Variants in MAN1A2 observed in about 807,000 individuals in gnomAD.
MAN1A2 encodes the protein mannosidase alpha class 1A member 2.
In MAN1A2, 26 loss-of-function variants were observed where a neutral mutation model predicts 75.7. That is an observed-to-expected ratio of 0.34 (90% CI 0.25 to 0.48). MAN1A2 has a LOEUF of 0.48. Among genes scored for constraint, MAN1A2 ranks in the 20% least tolerant of loss-of-function variants. The probability of loss-of-function intolerance (pLI) is 0.99; values close to 1 mark genes in which losing one functional copy is unlikely to be tolerated. For missense variants in MAN1A2, 562 were observed against 775.5 expected, an observed-to-expected ratio of 0.72 and a Z score of 3.27; for synonymous variants, 247 against 264.6, an observed-to-expected ratio of 0.93 and a Z score of 0.65.
intron 6 of MAN1A2, among the ~76,000 whole-genome samples, chr1:117,458,508 T>TATATAG (rs1649685400): frequency 1.0e-5 from 1 of 99,304 alleles, no homozygotes. Context: ...TATATATATA[T>TATATAG]ATAGATATAT....
intron 8 of MAN1A2, among the ~76,000 whole-genome samples, chr1:117,474,088 A>G (rs560555981): frequency 2.4e-4 from 37 of 152,032 alleles, no homozygotes; most frequent in Non-Finnish European, 5.1e-4. Context: ...CTGTCTGGGT[A>G]CAACAGGAGA....
chr1:117,418,867 A>G (rs571772083), intron 4 of MAN1A2, among the ~76,000 whole-genome samples: 3 of 152,286 alleles, frequency 2.0e-5, no homozygotes, highest in East Asian at 1.9e-4. Flanking sequence ...TGATGTGTTA[A>G]TTAGGGAAAT....
In MAN1A2 at chr1:117,523,062, C is replaced by A; in HGVS notation, c.*105C>A. 1 of 1,212,426 alleles carries A rather than the reference C, an allele frequency of 8.2e-7. No homozygotes were observed. The highest frequency in any genetic ancestry group is 1.3e-5 in the South Asian group (1 of 77,656). 75.1% of individuals were successfully genotyped at this position (1,212,426 alleles called of 1,614,324 possible). A position where few individuals can be genotyped will look rare whatever the true frequency, so the allele number is the denominator to read the frequency against. On this transcript the variant is annotated 3_prime_UTR_variant, in exon 13 of 13. Coordinates refer to ENST00000356554, the MANE Select transcript of MAN1A2 (RefSeq NM_006699.5). ...TTGAAAACCTGGACCTCTATGTCAA[C>A]ATGACAGGGTGAAACTATTCCCCCT...
rs578074842 is a variant in MAN1A2, at chr1:117,475,872, G to A, written c.1168+9445G>A. Among the ~76,000 whole-genome samples, 3 of 152,158 alleles carry A rather than the reference G, an allele frequency of 2.0e-5. No homozygotes were observed. The East Asian group carries it at 5.8e-4, about 30-fold the overall frequency. On this transcript the variant is annotated intron_variant, in intron 8 of 12. Coordinates refer to ENST00000356554, the MANE Select transcript of MAN1A2 (RefSeq NM_006699.5). ...TAGAATGATTTATAATCCTTTGGGT[G>A]TATACCCAGTAATGGGATTGCTGGG...
chr1:117,408,559 A>C (rs943115741), intron 3 of MAN1A2, among the ~76,000 whole-genome samples: 2 of 151,864 alleles, frequency 1.3e-5, no homozygotes, highest in Non-Finnish European at 2.9e-5. Context: ...TGTTTTGTTG[A>C]AGATTGTTGC....
rs748449222 is a variant in MAN1A2, at chr1:117,368,340, G to A, written c.157G>A (p.Ala53Thr). The change falls in exon 1 of 13, where the codon GCA (alanine) becomes ACA (threonine). Residue 53 changes from alanine (A) to threonine (T), a missense_variant. Around this residue, in one of 2 missense-constraint regions of MAN1A2, gnomAD observed 128 missense variants for 129.8 expected, o/e 0.99. Coordinates refer to ENST00000356554, the MANE Select transcript of MAN1A2 (RefSeq NM_006699.5). ...LSAFITLCFG[A>T]FFFLPDSSKH... ...TGCCTTCATCACTCTGTGTTTTGGGGCATTCTTTTTCCTTCCAGACTCTTC... is the reference window on the plus strand; with the variant it reads ...TGCCTTCATCACTCTGTGTTTTGGGACATTCTTTTTCCTTCCAGACTCTTC... 6.2e-7 allele frequency: 1 copy of A among 1,614,048 alleles called. No homozygotes were observed. The highest frequency in any genetic ancestry group is 8.5e-7 in the Non-Finnish European group (1 of 1,180,000).
chr1:117,518,737 G>A lies in MAN1A2; in HGVS notation c.1794-4088G>A, dbSNP rs117694185. Reference sequence around the variant, plus strand: ...AGATAGACAGCAACACAACAATAATGGAGGACTTCAGTACTCCACTGACAG... The same window carrying A: ...AGATAGACAGCAACACAACAATAATAGAGGACTTCAGTACTCCACTGACAG... On this transcript the variant is annotated intron_variant, in intron 12 of 12. Coordinates refer to ENST00000356554, the MANE Select transcript of MAN1A2 (RefSeq NM_006699.5). Among the ~76,000 whole-genome samples the A allele has an allele frequency of 1.1e-4, 17 of 152,088 alleles. No individual in the cohort carries two copies. In the East Asian group the frequency reaches 3.1e-3, roughly 28 times the overall value.
chr1:117,421,787 A>T (rs1162894702), intron 5 of MAN1A2, among the ~76,000 whole-genome samples: 3 of 152,124 alleles, frequency 2.0e-5, no homozygotes, highest in Non-Finnish European at 2.9e-5. Context: ...CATTTAATAA[A>T]ATAGAAAAAA....
chr1:117,497,660 TA>T (rs768075437), intron 10 of MAN1A2, among the ~76,000 whole-genome samples: 1 of 151,866 alleles, frequency 6.6e-6, no homozygotes, highest in African/African-American at 2.4e-5. Context: ...ACACAGTATA[TA>T]TTTGGTATTA....
intron 3 of MAN1A2, among the ~76,000 whole-genome samples, chr1:117,407,363 T>A (rs969789477): frequency 4.6e-5 from 7 of 152,296 alleles, no homozygotes; most frequent in Admixed American, 1.3e-4. Context: ...AAGTACAATT[T>A]GAGTTTTTTT....
At chr1:117,379,942 G>A (rs1394186131) in intron 1 of MAN1A2, among the ~76,000 whole-genome samples, 1 of 152,102 alleles carries the variant, frequency 6.6e-6, no homozygotes, top group Non-Finnish European at 1.5e-5. Context: ...TAGTGTTGCT[G>A]TGAACATTTG....
intron 1 of MAN1A2, among the ~76,000 whole-genome samples, chr1:117,401,423 GA>G (rs1254034325): frequency 6.6e-6 from 1 of 152,096 alleles, no homozygotes; most frequent in Non-Finnish European, 1.5e-5. Flanking sequence ...GACTGATTTG[GA>G]AAAGAGTGTT....
chr1:117,433,768 C>G (rs1648753771), intron 5 of MAN1A2, among the ~76,000 whole-genome samples: 1 of 152,174 alleles, frequency 6.6e-6, no homozygotes, highest in Non-Finnish European at 1.5e-5. Context: ...CCCACTGATA[C>G]TGAATACTGT....
chr1:117,417,709 C>G (rs1648051051), intron 4 of MAN1A2, among the ~76,000 whole-genome samples: 1 of 135,958 alleles, frequency 7.4e-6, no homozygotes, highest in Admixed American at 7.1e-5. Context: ...CACACACACT[C>G]TCTCTCTCTC....
chr1:117,407,378 T>C lies in MAN1A2; in HGVS notation c.655+1733T>C, dbSNP rs186673147. Among the ~76,000 whole-genome samples, 23 of 152,322 alleles carry C rather than the reference T, an allele frequency of 1.5e-4. No homozygotes were observed. The East Asian group carries it at 4.2e-3, about 28-fold the overall frequency. Reference sequence around the variant, plus strand: ...AAGTACAATTTGAGTTTTTTTAATCTATTTTTTGATCTTTTTCTTTTTTAA... The same window carrying C: ...AAGTACAATTTGAGTTTTTTTAATCCATTTTTTGATCTTTTTCTTTTTTAA... On this transcript the variant is annotated intron_variant, in intron 3 of 12. Coordinates refer to ENST00000356554, the MANE Select transcript of MAN1A2 (RefSeq NM_006699.5).
chr1:117,368,526 A>C (rs768590518), intron 1 of MAN1A2, 41 bp downstream of exon 1: 3 of 1,524,882 alleles, frequency 2.0e-6, no homozygotes, highest in Admixed American at 4.2e-5. Context: ...CATTTGGCAG[A>C]GCAAGGTACG....
At chr1:117,512,471 G>A (rs1056340121) in intron 12 of MAN1A2, among the ~76,000 whole-genome samples, 1 of 151,962 alleles carries the variant, frequency 6.6e-6, no homozygotes, top group Non-Finnish European at 1.5e-5. Flanking sequence ...AAGTTCCCAG[G>A]TGATGCTGAT....
In MAN1A2 at chr1:117,473,592, A is replaced by G. The variant is rs146205731; in HGVS notation, c.1168+7165A>G. Among the ~76,000 whole-genome samples, 1,186 of 151,968 alleles carry G rather than the reference A, an allele frequency of 7.8e-3. 6 individuals are homozygous for G. The highest frequency in any genetic ancestry group is 0.027 in the African/African-American group (1,130 of 41,482). Reference sequence around the variant, plus strand: ...CCTTCATTTATTCTTCTCCAACTACATTGGCCTTCTGTCACTTGTTGAATC... The same window carrying G: ...CCTTCATTTATTCTTCTCCAACTACGTTGGCCTTCTGTCACTTGTTGAATC... On this transcript the variant is annotated intron_variant, in intron 8 of 12. Coordinates refer to ENST00000356554, the MANE Select transcript of MAN1A2 (RefSeq NM_006699.5).
rs1469626123 is a variant in MAN1A2, at chr1:117,496,883, G to A, written c.1405G>A (p.Ala469Thr). The A allele has an allele frequency of 1.2e-6, 2 of 1,612,780 alleles. No individual in the cohort carries two copies. The highest frequency in any genetic ancestry group is 1.1e-5 in the South Asian group (1 of 91,034). The change falls in exon 10 of 13, where the codon GCA becomes ACA. Residue 469 changes from alanine to threonine, a missense_variant. Transcript: ENST00000356554. ...GGCCTGCTTTGCTGGGGGAATGTTTGCACTAGGAGCAGATGGTTCCAGAGC... is the reference window on the plus strand; with the variant it reads ...GGCCTGCTTTGCTGGGGGAATGTTTACACTAGGAGCAGATGGTTCCAGAGC... ...HLACFAGGMFALGADGSRADK... is the reference protein window; with the variant it reads ...HLACFAGGMFTLGADGSRADK...
Sources: gnomAD v4.1 joint callset for allele counts (sites outside exome capture counted in the v4.1 genomes callset) on GRCh38, gnomAD v4.1.1 for gene constraint, gnomAD v4.1.1 regional missense constraint, MANE v1.5 for transcripts, NCBI Gene and HGNC (gene_info 2026-07-23, HGNC 2026-07-21) for gene names.